The following PCDH9 variants were observed in gnomAD, a reference collection of about 807,000 sequenced individuals.
PCDH9 encodes the protein protocadherin 9, also known as protocadherin-9.
PCDH9 carries 24 observed loss-of-function variants against 70.6 expected under a neutral mutation model. That is an observed-to-expected ratio of 0.34 (90% CI 0.25 to 0.48). PCDH9 has a LOEUF of 0.48. Ranked by LOEUF, PCDH9 falls within the 20% of genes least tolerant of loss-of-function variation. The pLI is 0.99. For missense variants in PCDH9, 1,281 were observed against 1,503.6 expected, an observed-to-expected ratio of 0.85 and a Z score of 2.45; for synonymous variants, 562 against 558.5, an observed-to-expected ratio of 1.01 and a Z score of -0.09.
intron 2 of PCDH9, among the ~76,000 whole-genome samples, chr13:67,177,071 A>C (rs2088481741): frequency 6.6e-6 from 1 of 152,152 alleles, no homozygotes; most frequent in African/African-American, 2.4e-5. Flanking sequence ...AATAAGGAAC[A>C]CTGGGTCCAG....
intron 4 of PCDH9, among the ~76,000 whole-genome samples, chr13:66,478,995 G>T (rs1484696597): frequency 1.3e-5 from 2 of 152,148 alleles, no homozygotes; most frequent in Admixed American, 1.3e-4. Context: ...CAAAGAACAG[G>T]TTAACTCTCT....
intron 4 of PCDH9, among the ~76,000 whole-genome samples, chr13:66,429,875 C>A (rs1212648674): frequency 6.6e-6 from 1 of 151,990 alleles, no homozygotes; most frequent in Non-Finnish European, 1.5e-5. Context: ...TCGTACTTAG[C>A]ATTACAGAGC....
At chr13:67,026,167 A>C (rs561995703) in intron 2 of PCDH9, among the ~76,000 whole-genome samples, 250 of 152,224 alleles carry the variant, frequency 1.6e-3, no homozygotes, top group Admixed American at 4.2e-3. Context: ...GCGTATATTG[A>C]ACCAGCCTTG....
At chr13:66,568,887 T>C (rs1225101202) in intron 4 of PCDH9, among the ~76,000 whole-genome samples, 1 of 151,884 alleles carries the variant, frequency 6.6e-6, no homozygotes. Flanking sequence ...TAAACAGTAG[T>C]TGAATACAGG....
chr13:66,754,434 GA>G (rs201304661), intron 3 of PCDH9, among the ~76,000 whole-genome samples: 2,230 of 149,668 alleles, frequency 0.015, 64 homozygotes, highest in African/African-American at 0.052. Context: ...TTAAAAAAAG[GA>G]AAAAAAAAGA....
intron 4 of PCDH9, among the ~76,000 whole-genome samples, chr13:66,605,467 A>C (rs1166953827): frequency 6.6e-6 from 1 of 152,142 alleles, no homozygotes; most frequent in Non-Finnish European, 1.5e-5. Context: ...TACAAAAGAG[A>C]AAAGAGCAAA....
chr13:66,445,213 T>A (rs1437767324), intron 4 of PCDH9, among the ~76,000 whole-genome samples: 1 of 147,252 alleles, frequency 6.8e-6, no homozygotes, highest in Non-Finnish European at 1.5e-5. Flanking sequence ...CAAATATATA[T>A]AATTTTTTTG....
rs556961552 is a variant in PCDH9 at position 66,506,595 on chromosome 13, G to A, written c.3340+124615C>T. Among the ~76,000 whole-genome samples, 49 of 152,234 alleles carry A rather than the reference G, an allele frequency of 3.2e-4. 1 individual carries two copies. The South Asian group carries it at 8.1e-3, about 25-fold the overall frequency. On this transcript the variant is annotated intron_variant, in intron 4 of 4. Transcript: ENST00000377865. ...CTGAGTGGGCTGGAGTCCATTTTGC[G>A]GTCAGTGAGCAGGTTACAGGTCATG...
At chr13:66,908,841 A>G (rs1227413265) in intron 2 of PCDH9, among the ~76,000 whole-genome samples, 3 of 152,186 alleles carry the variant, frequency 2.0e-5, no homozygotes, top group Non-Finnish European at 4.4e-5. Context: ...ATCAGTGTTC[A>G]GGTGCAGTGA....
intron 4 of PCDH9, among the ~76,000 whole-genome samples, chr13:66,552,875 G>A (rs1961551415): frequency 6.6e-6 from 1 of 152,092 alleles, no homozygotes; most frequent in Non-Finnish European, 1.5e-5. Flanking sequence ...GCGTGACTGG[G>A]GAGGTCTCAG....
intron 2 of PCDH9, among the ~76,000 whole-genome samples, chr13:67,104,401 C>T (rs539459752): frequency 1.3e-5 from 2 of 152,254 alleles, no homozygotes; most frequent in East Asian, 3.9e-4. Flanking sequence ...TGACATTCCC[C>T]GCCCACCCAA....
intron 2 of PCDH9, among the ~76,000 whole-genome samples, chr13:66,904,804 G>A (rs2082333327): frequency 1.3e-5 from 2 of 151,694 alleles, no homozygotes; most frequent in African/African-American, 4.8e-5. Context: ...TTAAAGCACT[G>A]TCATTACATT....
At chr13:66,634,935 TA>T (rs1482323531) in intron 3 of PCDH9, among the ~76,000 whole-genome samples, 1 of 152,100 alleles carries the variant, frequency 6.6e-6, no homozygotes. Context: ...TGGGAAAGAC[TA>T]AAAACCAGGA....
intron 2 of PCDH9, among the ~76,000 whole-genome samples, chr13:66,932,659 C>CATATATATATATATATATATATATATAT (rs199791250): frequency 1.5e-5 from 2 of 130,354 alleles, no homozygotes; most frequent in South Asian, 2.4e-4. Context: ...TAAATCCTCA[C>CATATATATATATATATATATATATATAT]ATATATATAT....
chr13:66,795,328 T>C (rs533665637), intron 3 of PCDH9, among the ~76,000 whole-genome samples: 1 of 152,304 alleles, frequency 6.6e-6, no homozygotes, highest in African/African-American at 2.4e-5. Context: ...GCATTTCAGA[T>C]TTCCAGTTTT....
At chr13:67,084,242 C>T (rs1594487533) in intron 2 of PCDH9, among the ~76,000 whole-genome samples, 1 of 152,138 alleles carries the variant, frequency 6.6e-6, no homozygotes, top group South Asian at 2.1e-4. Flanking sequence ...GATTCACTGG[C>T]ACACAGACCT....
chr13:66,765,364 C>A (rs1350988160), intron 3 of PCDH9, among the ~76,000 whole-genome samples: 1 of 151,618 alleles, frequency 6.6e-6, no homozygotes, highest in Non-Finnish European at 1.5e-5. Flanking sequence ...CTATCTGGAC[C>A]CCAAATAGAT....
chr13:66,741,990 T>C (rs1360713414), intron 3 of PCDH9, among the ~76,000 whole-genome samples: 1 of 146,368 alleles, frequency 6.8e-6, no homozygotes, highest in African/African-American at 2.6e-5. Flanking sequence ...TGGAAAAAAC[T>C]ACTTTAAAGT....
chr13:66,429,316 C>T (rs1302251983), intron 4 of PCDH9, among the ~76,000 whole-genome samples: 2 of 151,292 alleles, frequency 1.3e-5, no homozygotes, highest in Admixed American at 6.6e-5. Context: ...ATGTCATTTC[C>T]CAAAGAACAA....
Sources: allele counts gnomAD v4.1 joint callset (sites outside exome capture counted in the v4.1 genomes callset), GRCh38; gene constraint gnomAD v4.1.1; transcripts MANE v1.5; gene names NCBI Gene and HGNC (gene_info 2026-07-23, HGNC 2026-07-21).